TNRC6B: variants seen among roughly 807,000 people sequenced by gnomAD.
The protein encoded by TNRC6B is trinucleotide repeat containing adaptor 6B.
Under a neutral mutation model 203.6 loss-of-function variants are expected in TNRC6B, and 52 were observed. The observed-to-expected ratio is 0.26, with a 90% CI of 0.20 to 0.32. The LOEUF (loss-of-function observed/expected upper bound fraction) is 0.32. Among genes scored for constraint, TNRC6B ranks in the 10% least tolerant of loss-of-function variants. TNRC6B has a pLI of 1.00. For synonymous variants in TNRC6B, 838 were observed against 845.7 expected (o/e 0.99, Z 0.16); for missense variants, 1,923 against 2,286.2 (o/e 0.84, Z 3.24).
At chr22:40,070,110 C>T (rs956600064) in intron 1 of TNRC6B, among the ~76,000 whole-genome samples, 7 of 151,994 alleles carry the variant, frequency 4.6e-5, no homozygotes, top group African/African-American at 1.7e-4. Flanking sequence ...TGTCTTAGTT[C>T]TTGCTTTAAT....
chr22:40,304,161 G>C (rs1005524239), intron 15 of TNRC6B, among the ~76,000 whole-genome samples: 1 of 152,216 alleles, frequency 6.6e-6, no homozygotes, highest in Admixed American at 6.5e-5. Context: ...AAGTGAAAGA[G>C]TAGCAAGAAT....
chr22:40,174,981 CTTGT>C (rs897786149), upstream of TNRC6B, among the ~76,000 whole-genome samples: 2 of 151,972 alleles, frequency 1.3e-5, no homozygotes, highest in African/African-American at 4.8e-5. Flanking sequence ...ATTTATTGCA[CTTGT>C]TTGTTTTAGA....
chr22:40,192,256 TGGA>T (rs1325557318), intron 1 of TNRC6B, among the ~76,000 whole-genome samples: 1 of 152,042 alleles, frequency 6.6e-6, no homozygotes, highest in Admixed American at 6.6e-5. Context: ...AAGGATCCGG[TGGA>T]AGGGACAGGC....
At chr22:40,177,809 C>T, upstream of TNRC6B, 1 of 1,274,732 alleles carries the variant, frequency 7.8e-7, no homozygotes, top group Admixed American at 3.9e-5. Context: ...TGGAAAAGGG[C>T]TGCTTCCCCT....
intron 21 of TNRC6B, among the ~76,000 whole-genome samples, 174 bp from the exon 22 acceptor site, chr22:40,320,916 T>G (rs1043284253): frequency 8.5e-5 from 13 of 152,232 alleles, no homozygotes; most frequent in African/African-American, 3.1e-4. Context: ...TCCCACCTGT[T>G]TATCTCTTAA....
intron 3 of TNRC6B, among the ~76,000 whole-genome samples, chr22:40,153,476 A>G (rs756159168): frequency 1.3e-5 from 2 of 152,170 alleles, no homozygotes; most frequent in Non-Finnish European, 2.9e-5. Flanking sequence ...TGAACTGATT[A>G]AGAGGAGATT....
chr22:40,096,943 A>G (rs1010809459), intron 1 of TNRC6B, among the ~76,000 whole-genome samples: 6 of 152,226 alleles, frequency 3.9e-5, no homozygotes, highest in African/African-American at 1.4e-4. Context: ...TGCAAATGAC[A>G]CAAAAGGTTA....
chr22:40,078,529 A>G (rs1322663711), intron 1 of TNRC6B, among the ~76,000 whole-genome samples: 1 of 152,130 alleles, frequency 6.6e-6, no homozygotes, highest in Non-Finnish European at 1.5e-5. Context: ...TCTCAAAAGA[A>G]AATTATTTAT....
chr22:40,088,686 C>A (rs2068123109), intron 1 of TNRC6B, among the ~76,000 whole-genome samples: 1 of 151,236 alleles, frequency 6.6e-6, no homozygotes, highest in Non-Finnish European at 1.5e-5. Flanking sequence ...AACTCCTGAC[C>A]TCAGGTGATC....
At chr22:40,247,801 G>A (rs1346495165) in intron 2 of TNRC6B, among the ~76,000 whole-genome samples, 1 of 151,404 alleles carries the variant, frequency 6.6e-6, no homozygotes, top group Non-Finnish European at 1.5e-5. Context: ...CTGGTGTGGT[G>A]GCTCATGCCT....
rs901335213 is a variant in TNRC6B, at chr22:40,329,919, A to G, written c.*6678A>G. On this transcript the variant is annotated 3_prime_UTR_variant, in exon 23 of 23. Transcript: ENST00000454349. ...AAGAAACTGTACATGGCCAGGAAAA[A>G]TGGTACTACCTTGGCCAAAGGGTCT... 3.3e-5 allele frequency: 5 copies of G among 152,348 alleles called. No homozygotes were observed. Among genetic ancestry groups the G allele is most frequent in the African/African-American group, 1.2e-4 (5 of 41,588 alleles). The allele number at this position is 152,348 out of a possible 1,614,324, so 9.4% of individuals were successfully genotyped here.
Position 40,330,300 on chromosome 22 carries a change from C to G in TNRC6B, c.*7059C>G, listed in dbSNP as rs2071451156. The G allele has an allele frequency of 6.6e-6, 1 of 152,198 alleles. No homozygotes were observed. The allele number at this position is 152,198 out of a possible 1,614,324, so 9.4% of individuals were successfully genotyped here. A position where few individuals can be genotyped will look rare whatever the true frequency, so the allele number is the denominator to read the frequency against. On this transcript the variant is annotated 3_prime_UTR_variant, in exon 23 of 23. Transcript: ENST00000454349. ...TGTAGCAGAGCTGTGAAAGGAAGTG[C>G]TTTGCTTTCTCTCCCGCCTTCCGGA...
chr22:40,151,358 G>C (rs1353698171), intron 3 of TNRC6B, among the ~76,000 whole-genome samples: 1 of 151,948 alleles, frequency 6.6e-6, no homozygotes, highest in Non-Finnish European at 1.5e-5. Flanking sequence ...GAGGTCAGGA[G>C]TTTGAGACCA....
intron 3 of TNRC6B, among the ~76,000 whole-genome samples, chr22:40,147,291 G>C (rs889656700): frequency 2.0e-5 from 3 of 152,172 alleles, no homozygotes; most frequent in East Asian, 1.9e-4. Context: ...TTAGGGACTG[G>C]GGGGAGCAGG....
At chr22:40,196,901 T>G (rs938356508) in intron 1 of TNRC6B, among the ~76,000 whole-genome samples, 3 of 152,088 alleles carry the variant, frequency 2.0e-5, no homozygotes, top group African/African-American at 7.2e-5. Context: ...ATTACCTCAT[T>G]TAGTCCTCCC....
At chr22:40,238,738 G>A (rs2069984312) in intron 1 of TNRC6B, among the ~76,000 whole-genome samples, 1 of 152,156 alleles carries the variant, frequency 6.6e-6, no homozygotes, top group South Asian at 2.1e-4. Flanking sequence ...CTCCTTCTCT[G>A]TCAGGTGAAC....
At chr22:40,051,249 C>A (rs757708461) in intron 1 of TNRC6B, among the ~76,000 whole-genome samples, 1 of 152,182 alleles carries the variant, frequency 6.6e-6, no homozygotes, top group Non-Finnish European at 1.5e-5. Context: ...CAATCCTGTT[C>A]TGAATTGTAC....
chr22:40,234,086 G>A (rs2069916397), intron 1 of TNRC6B, among the ~76,000 whole-genome samples: 1 of 152,102 alleles, frequency 6.6e-6, no homozygotes, highest in African/African-American at 2.4e-5. Context: ...AGATATTCAA[G>A]ACTAGCCTGG....
chr22:40,150,684 A>T (rs1436485924), intron 3 of TNRC6B, among the ~76,000 whole-genome samples: 2 of 152,328 alleles, frequency 1.3e-5, no homozygotes, highest in East Asian at 3.9e-4. Context: ...GAACTTACAT[A>T]AAAGGCTACA....
Sources: allele counts gnomAD v4.1 joint callset (sites outside exome capture counted in the v4.1 genomes callset), GRCh38; gene constraint gnomAD v4.1.1; transcripts MANE v1.5; gene names NCBI Gene and HGNC (gene_info 2026-07-23, HGNC 2026-07-21).